Variants in AP4E1 observed in about 807,000 individuals in gnomAD.
AP4E1 encodes AP-4 complex subunit epsilon-1.
In AP4E1, 56 loss-of-function variants were observed where a neutral mutation model predicts 128.2. The ratio of observed to expected loss-of-function variants is 0.44; its 90% confidence interval spans 0.35 to 0.55. The LOEUF is 0.55. Among genes scored for constraint, AP4E1 ranks in the 20% least tolerant of loss-of-function variants. The pLI is 0.00. For missense variants in AP4E1, 1,324 were observed against 1,307.7 expected, an observed-to-expected ratio of 1.01 and a Z score of -0.19; for synonymous variants, 484 against 473.1, an observed-to-expected ratio of 1.02 and a Z score of -0.30.
At chr15:50,963,756 A>G (rs1038179171) in intron 14 of AP4E1, among the ~76,000 whole-genome samples, 1 of 152,248 alleles carries the variant, frequency 6.6e-6, no homozygotes, top group African/African-American at 2.4e-5. Flanking sequence ...GAGGTGATGG[A>G]TATCCTAAGT....
At chr15:50,939,756 T>G (rs1166499138) in intron 8 of AP4E1, among the ~76,000 whole-genome samples, 1 of 152,154 alleles carries the variant, frequency 6.6e-6, no homozygotes, top group African/African-American at 2.4e-5. Context: ...AACAATTTAA[T>G]AGCAAGAGAG....
chr15:50,949,728 C>A, intron 11 of AP4E1, 98 bp from the exon 12 acceptor site: 1 of 929,480 alleles, frequency 1.1e-6, no homozygotes. Flanking sequence ...AACTGCCATA[C>A]TAGGATGAAT....
chr15:50,963,995 G>C (rs1304569150), intron 14 of AP4E1, among the ~76,000 whole-genome samples: 1 of 152,206 alleles, frequency 6.6e-6, no homozygotes, highest in Non-Finnish European at 1.5e-5. Flanking sequence ...CTCCTGGCCA[G>C]GTTGAATCTC....
At chr15:50,994,505 C>T (rs2064845090) in intron 17 of AP4E1, among the ~76,000 whole-genome samples, 2 of 152,144 alleles carry the variant, frequency 1.3e-5, no homozygotes, top group Admixed American at 6.5e-5. Flanking sequence ...ACTCACCAGT[C>T]TAGATCCCAT....
At chr15:50,929,929 C>T (rs1349668740) in intron 6 of AP4E1, among the ~76,000 whole-genome samples, 4 of 151,890 alleles carry the variant, frequency 2.6e-5, no homozygotes, top group Non-Finnish European at 5.9e-5. Context: ...ATCTAATGTT[C>T]CTTTTAAGGA....
chr15:50,979,102 C>G (rs955877251), intron 15 of AP4E1, among the ~76,000 whole-genome samples: 1 of 152,060 alleles, frequency 6.6e-6, no homozygotes, highest in Non-Finnish European at 1.5e-5. Flanking sequence ...GGTTTAAACT[C>G]TTTATCTTTA....
intron 17 of AP4E1, 92 bp downstream of exon 17, chr15:50,993,717 T>A: frequency 1.3e-6 from 2 of 1,512,536 alleles, no homozygotes; most frequent in Non-Finnish European, 9.1e-7. Flanking sequence ...GTCGTCTATA[T>A]GTATAGTGAA....
rs997766169 is a variant in AP4E1 at position 50,997,822 on chromosome 15, A to G, written c.2843A>G (p.Asn948Ser). The change falls in exon 18 of 21, where the codon AAT (asparagine) becomes AGT (serine). Residue 948 changes from asparagine to serine, a missense_variant. Physicochemically the swap from Asn to Ser is conservative, Grantham distance 46 (BLOSUM62 1). Coordinates refer to ENST00000261842, the MANE Select transcript of AP4E1 (RefSeq NM_007347.5). ...TTATTGATGGTCTGGTCAGTCACTA[A>G]TAAGAGTGGTTTGGAATTGAAAAGT... ...DCLLMVWSVT[N>S]KSGLELKSAD... The G allele has an allele frequency of 3.7e-6, 6 of 1,602,370 alleles. No homozygotes were observed. The highest frequency in any genetic ancestry group is 1.3e-5 in the African/African-American group (1 of 74,572).
rs534455025 is a variant in AP4E1 at position 51,000,980 on chromosome 15, A to G, written c.3096-46A>G. 6.2e-6 allele frequency: 9 copies of G among 1,455,432 alleles called. No individual in the cohort carries two copies. The Admixed American group carries it at 1.4e-4, about 22-fold the overall frequency. 90.2% of individuals were successfully genotyped at this position (1,455,432 alleles called of 1,614,324 possible). A position where few individuals can be genotyped will look rare whatever the true frequency, so the allele number is the denominator to read the frequency against. ...CATTTGAAATTTGTTGTTTAGAATC[A>G]TTTCACTGTTTTTGACATATATCTA... is the stretch of plus-strand genomic sequence containing the variant. On this transcript the variant is annotated intron_variant, in intron 19 of 20. Transcript: ENST00000261842.
At chr15:50,957,919 G>A (rs187452679) in intron 13 of AP4E1, among the ~76,000 whole-genome samples, 22 of 151,888 alleles carry the variant, frequency 1.4e-4, no homozygotes, top group African/African-American at 5.1e-4. Flanking sequence ...TGATCCACCC[G>A]CCTCGGCCTC....
chr15:50,991,591 G>A (rs1312392630), intron 16 of AP4E1, among the ~76,000 whole-genome samples: 1 of 151,884 alleles, frequency 6.6e-6, no homozygotes, highest in African/African-American at 2.4e-5. Flanking sequence ...GAGGAAGAAA[G>A]GGGGAAATGA....
At chr15:50,949,019 G>C (rs948967601) in intron 11 of AP4E1, among the ~76,000 whole-genome samples, 18 of 151,760 alleles carry the variant, frequency 1.2e-4, no homozygotes, top group African/African-American at 4.1e-4. Context: ...AAGAGTGAGT[G>C]AATGCTGTTA....
intron 17 of AP4E1, among the ~76,000 whole-genome samples, chr15:50,996,718 A>G (rs1360979421): frequency 6.6e-6 from 1 of 152,220 alleles, no homozygotes; most frequent in Admixed American, 6.5e-5. Context: ...TTCTTCAGAA[A>G]GTTTGGACCA....
Position 50,930,972 on chromosome 15 carries a change from G to GT in AP4E1, c.869+2dup. The GT allele has an allele frequency of 6.2e-7, 1 of 1,614,038 alleles. No homozygotes were observed. On this transcript the variant is annotated splice_donor_variant, in intron 7 of 20. Coordinates refer to ENST00000261842, the MANE Select transcript of AP4E1 (RefSeq NM_007347.5). LOFTEE classifies it high-confidence loss of function. ...GACTTCTAGGAAAAGATGATCAAAG[G>GT]TAAACTATTTTCAGTAAGTTTGCTT...
intron 2 of AP4E1, 56 bp from the exon 3 acceptor site, chr15:50,915,392 A>G: frequency 6.4e-7 from 1 of 1,557,862 alleles, no homozygotes; most frequent in Non-Finnish European, 8.8e-7. Context: ...GAACATAGTT[A>G]AAACAATCTA....
intron 16 of AP4E1, among the ~76,000 whole-genome samples, chr15:50,988,095 G>A (rs1018566551): frequency 3.3e-5 from 5 of 152,110 alleles, no homozygotes; most frequent in Admixed American, 3.3e-4. Context: ...AGATATAGAG[G>A]TGAACATAAA....
chr15:50,927,360 A>G (rs1241761866), intron 5 of AP4E1, among the ~76,000 whole-genome samples: 1 of 152,206 alleles, frequency 6.6e-6, no homozygotes, highest in East Asian at 1.9e-4. Flanking sequence ...AAGCCAGTAG[A>G]TGTCACAAAG....
chr15:50,960,818 AC>A (rs1430695042), intron 14 of AP4E1, among the ~76,000 whole-genome samples: 3 of 151,860 alleles, frequency 2.0e-5, no homozygotes, highest in African/African-American at 7.2e-5. Flanking sequence ...TAAAAAAGAT[AC>A]AAAAAAAAAA....
intron 7 of AP4E1, among the ~76,000 whole-genome samples, chr15:50,931,950 A>G (rs1441726719): frequency 6.6e-6 from 1 of 151,608 alleles, no homozygotes; most frequent in Non-Finnish European, 1.5e-5. Context: ...GTATCTTTCC[A>G]ACTATATATA....
Sources: gnomAD v4.1 joint callset for allele counts (sites outside exome capture counted in the v4.1 genomes callset) on GRCh38, gnomAD v4.1.1 for gene constraint, MANE v1.5 for transcripts, NCBI Gene and HGNC (gene_info 2026-07-23, HGNC 2026-07-21) for gene names.